FAM78B: variants seen among roughly 807,000 people sequenced by gnomAD.
FAM78B encodes the protein protein FAM78B.
In FAM78B, 10 loss-of-function variants were observed where a neutral mutation model predicts 20.0. The ratio of observed to expected loss-of-function variants is 0.50; its 90% CI spans 0.31 to 0.85. The LOEUF (loss-of-function observed/expected upper bound fraction) is 0.85, where lower values mean the gene tolerates loss of function less well. FAM78B is among the 40% of genes least tolerant of loss of function. The pLI, the probability that FAM78B is intolerant of heterozygous loss-of-function variation, is 0.05. For synonymous variants in FAM78B, 135 were observed against 132.8 expected, an observed-to-expected ratio of 1.02 and a Z score of -0.12; for missense variants, 283 against 345.0, an observed-to-expected ratio of 0.82 and a Z score of 1.42.
At chr1:166,141,807 T>C (rs1655289971) in intron 1 of FAM78B, among the ~76,000 whole-genome samples, 1 of 152,212 alleles carries the variant, frequency 6.6e-6, no homozygotes. Context: ...CAAAGCTGTA[T>C]GTGCCAAGAA....
chr1:166,059,852 C>T (rs1378965409), exon 3 of FAM78B: 5 of 152,114 alleles, frequency 3.3e-5, no homozygotes, highest in African/African-American at 4.8e-5. Context: ...AGAAATAATT[C>T]GCTGTGCTCT....
rs869158425 is a variant in FAM78B, at chr1:166,130,981, CTTTTTTTTTTTTT to C, written c.263+34992_263+35004del. 4.3e-3 allele frequency among the ~76,000 whole-genome samples: 486 copies of C among 114,050 alleles called. 3 individuals carry two copies. The highest frequency in any genetic ancestry group is 0.016 in the African/African-American group (460 of 28,846). 74.8% of individuals were successfully genotyped at this position (114,050 alleles called of 152,430 possible). On this transcript the variant is annotated intron_variant, in intron 1 of 1. Coordinates refer to ENST00000354422, the MANE Select transcript of FAM78B (RefSeq NM_001017961.5). ...TGGTGTATCTGCATCTCCCCAGGTG[CTTTTTTTTTTTTT>C]TTTTTTTTTTGATACAAGAGTCTTG...
At chr1:166,120,327 CAT>C (rs1460611652) in intron 1 of FAM78B, among the ~76,000 whole-genome samples, 8 of 152,196 alleles carry the variant, frequency 5.3e-5, no homozygotes, top group Non-Finnish European at 1.0e-4. Context: ...TTCAAACTCA[CAT>C]GTGTGCCTGT....
intron 1 of FAM78B, among the ~76,000 whole-genome samples, chr1:166,071,933 T>C (rs986631833): frequency 6.6e-6 from 1 of 152,138 alleles, no homozygotes; most frequent in African/African-American, 2.4e-5. Flanking sequence ...TGGACCCCAG[T>C]AAGGGCAGAA....
downstream of FAM78B, among the ~76,000 whole-genome samples, chr1:166,068,004 A>G (rs954798938): frequency 6.6e-6 from 1 of 152,232 alleles, no homozygotes; most frequent in African/African-American, 2.4e-5. Context: ...TGTGTAAGTC[A>G]TATCTTATTT....
chr1:166,068,019 G>A (rs1424648067), downstream of FAM78B, among the ~76,000 whole-genome samples: 4 of 152,190 alleles, frequency 2.6e-5, no homozygotes, highest in Non-Finnish European at 5.9e-5. Flanking sequence ...TTATTTTAAT[G>A]CACTAGGGGA....
intron 1 of FAM78B, among the ~76,000 whole-genome samples, chr1:166,079,466 G>A (rs1652478544): frequency 6.6e-6 from 1 of 152,160 alleles, no homozygotes; most frequent in Non-Finnish European, 1.5e-5. Flanking sequence ...ATGCACTTTT[G>A]GGCCCACGGG....
chr1:166,145,281 TG>T (rs1655415306), intron 1 of FAM78B, among the ~76,000 whole-genome samples: 1 of 152,242 alleles, frequency 6.6e-6, no homozygotes, highest in South Asian at 2.1e-4. Context: ...AGTTTATCTT[TG>T]CAAGTCAAAG....
intron 1 of FAM78B, among the ~76,000 whole-genome samples, chr1:166,122,333 T>C (rs2101769715): frequency 6.6e-6 from 1 of 152,308 alleles, no homozygotes; most frequent in South Asian, 2.1e-4. Context: ...CAGCCAGTGA[T>C]GATAGCTGCC....
At chr1:166,130,260 G>T (rs947991117) in intron 1 of FAM78B, among the ~76,000 whole-genome samples, 8 of 152,236 alleles carry the variant, frequency 5.3e-5, no homozygotes, top group Non-Finnish European at 1.5e-5. Flanking sequence ...CGCATGATGT[G>T]AAAGCATGGA....
chr1:166,070,565 G>A lies in FAM78B; in HGVS notation c.462C>T (p.Asp154=). 2 of 1,613,838 alleles carry A rather than the reference G, an allele frequency of 1.2e-6. No homozygotes were observed. The highest frequency in any genetic ancestry group is 2.2e-5 in the South Asian group (2 of 91,068). ...PSVTWAVPVS[D]SNVPLLTRIK... ...TTCTTGTGAGCAGTGGCACATTGCTGTCACTCACAGGCACTGCCCATGTCA... is the reference window on the plus strand; with the variant it reads ...TTCTTGTGAGCAGTGGCACATTGCTATCACTCACAGGCACTGCCCATGTCA... Residue 154 remains aspartate (D), a synonymous_variant, in exon 2 of 2, where the codon GAC becomes GAT. Transcript: ENST00000354422.
chr1:166,090,853 G>A (rs1653037227), intron 1 of FAM78B, among the ~76,000 whole-genome samples: 1 of 152,216 alleles, frequency 6.6e-6, no homozygotes, highest in African/African-American at 2.4e-5. Flanking sequence ...GATGGCTAGT[G>A]TTTATTGAGG....
rs538989194 is a variant in FAM78B at position 166,113,983 on chromosome 1, C to A, written c.264-43220G>T. On this transcript the variant is annotated intron_variant, in intron 1 of 1. Transcript: ENST00000354422. ...AGCCCATCAGAACCCTTAGCACTGCCCACCACATTAGGGCCCACTAACCTG... is the reference window on the plus strand; with the variant it reads ...AGCCCATCAGAACCCTTAGCACTGCACACCACATTAGGGCCCACTAACCTG... Among the ~76,000 whole-genome samples, 19 of 151,906 alleles carry A rather than the reference C, an allele frequency of 1.3e-4. 1 individual carries two copies. In the South Asian group the frequency reaches 3.7e-3, roughly 30 times the overall value.
intron 1 of FAM78B, among the ~76,000 whole-genome samples, chr1:166,073,132 T>C (rs1265059808): frequency 6.6e-6 from 1 of 152,194 alleles, no homozygotes; most frequent in Admixed American, 6.5e-5. Flanking sequence ...ACCCTTTTCT[T>C]GGAGGAGTTT....
downstream of FAM78B, among the ~76,000 whole-genome samples, chr1:166,064,739 A>T (rs148199023): frequency 3.3e-4 from 50 of 152,304 alleles, no homozygotes; most frequent in African/African-American, 1.2e-3. Context: ...AGGCCCTGTG[A>T]TTCTACTCAA....
At chr1:166,072,753 G>A (rs1206790150) in intron 1 of FAM78B, among the ~76,000 whole-genome samples, 9 of 152,332 alleles carry the variant, frequency 5.9e-5, no homozygotes, top group Admixed American at 2.0e-4. Flanking sequence ...TGGAGGGCAG[G>A]TATTCCGAGC....
chr1:166,070,536 T>A lies in FAM78B; in HGVS notation c.491A>T (p.Lys164Met). ...CCAGGTCGTGAAACTTTGGTCTCTCTTGATTCTTGTGAGCAGTGGCACATT... is the reference window on the plus strand; with the variant it reads ...CCAGGTCGTGAAACTTTGGTCTCTCATGATTCTTGTGAGCAGTGGCACATT... ...DSNVPLLTRI[K>M]RDQSFTTWLV... The change falls in exon 2 of 2, where the codon AAG (lysine) becomes ATG (methionine). Residue 164 changes from lysine to methionine, a missense_variant. Coordinates refer to ENST00000354422, the MANE Select transcript of FAM78B (RefSeq NM_001017961.5). 6.2e-7 allele frequency: 1 copy of A among 1,614,082 alleles called. No individual in the cohort carries two copies. The highest frequency in any genetic ancestry group is 8.5e-7 in the Non-Finnish European group (1 of 1,179,992).
rs946149755 is a variant in FAM78B, at chr1:166,149,467, T to C, written c.263+16519A>G. On this transcript the variant is annotated intron_variant, in intron 1 of 1. Coordinates refer to ENST00000354422, the MANE Select transcript of FAM78B (RefSeq NM_001017961.5). ...TTTTCAGCTTCAGAAGTTCTATCAC[T>C]TTCCCCTTTTCCAGTATCAGCTACT... Among the ~76,000 whole-genome samples, 3 of 152,306 alleles carry C rather than the reference T, an allele frequency of 2.0e-5. No individual in the cohort carries two copies. In the South Asian group the frequency reaches 6.2e-4, roughly 32 times the overall value.
chr1:166,114,034 C>T (rs1354321749), intron 1 of FAM78B, among the ~76,000 whole-genome samples: 1 of 152,228 alleles, frequency 6.6e-6, no homozygotes, highest in Non-Finnish European at 1.5e-5. Flanking sequence ...CATGCAAATC[C>T]TTTACAAAAC....
Sources: gnomAD v4.1 joint callset for allele counts (sites outside exome capture counted in the v4.1 genomes callset) on GRCh38, gnomAD v4.1.1 for gene constraint, MANE v1.5 for transcripts, NCBI Gene and HGNC (gene_info 2026-07-23, HGNC 2026-07-21) for gene names.